Variants in KDM2B observed in about 807,000 individuals in gnomAD.
KDM2B encodes the protein lysine demethylase 2B.
A neutral mutation model predicts 150.0 loss-of-function variants in KDM2B; 26 were observed. The ratio of observed to expected loss-of-function variants is 0.17; its 90% CI spans 0.13 to 0.24. KDM2B has a LOEUF of 0.24. Among genes scored for constraint, KDM2B ranks in the 10% least tolerant of loss-of-function variants. The pLI is 1.00. For missense variants in KDM2B, 1,265 were observed against 1,816.9 expected, an observed-to-expected ratio of 0.70 and a Z score of 5.52; for synonymous variants, 734 against 729.5, an observed-to-expected ratio of 1.01 and a Z score of -0.10.
At chr12:121,555,793 G>C (rs1452763469) in intron 4 of KDM2B, among the ~76,000 whole-genome samples, 1 of 152,200 alleles carries the variant, frequency 6.6e-6, no homozygotes, top group African/African-American at 2.4e-5. Flanking sequence ...GTTAGAGGTA[G>C]GAATTGGTGT....
At position 121,513,474 on chromosome 12, in the gene KDM2B, G is replaced by A. The variant is rs1018149577; in HGVS notation, c.1048-72C>T. The A allele has an allele frequency of 6.1e-5, 94 of 1,550,286 alleles. No homozygotes were observed. The highest frequency in any genetic ancestry group is 5.3e-4 in the African/African-American group (39 of 73,922). ...AAGGGGGAAGGAGGGAGAGAAGTGC[G>A]GGGCAGGCTCCCTGCAGGTGAGGGT... On this transcript the variant is annotated intron_variant, in intron 9 of 22. Transcript: ENST00000377071. This position sits in a 1 kb window ranked among gnomAD's most constrained non-coding sequence, Gnocchi z 5.0.
At chr12:121,462,437 T>C (rs1232885551) in intron 12 of KDM2B, among the ~76,000 whole-genome samples, 1 of 151,618 alleles carries the variant, frequency 6.6e-6, no homozygotes, top group African/African-American at 2.4e-5. Flanking sequence ...AGGCACAAAG[T>C]AACAAAACTT....
intron 12 of KDM2B, among the ~76,000 whole-genome samples, chr12:121,479,701 A>C (rs1881864658): frequency 6.6e-6 from 1 of 151,846 alleles, no homozygotes; most frequent in Non-Finnish European, 1.5e-5. Context: ...GGCTCACTGC[A>C]ACCTCCGACT....
chr12:121,423,692 G>A, the KDM2B span: 56 of 885,090 alleles, frequency 6.3e-5, no homozygotes, highest in Non-Finnish European at 9.3e-5. The surrounding 1 kb of genome is among the most constrained non-coding windows in gnomAD (Gnocchi z 4.3). Flanking sequence ...ACATTATTTT[G>A]ACTACTAAGT....
At chr12:121,419,128 G>A in the KDM2B span, among the ~76,000 whole-genome samples, 1 of 152,176 alleles carries the variant, frequency 6.6e-6, no homozygotes, top group Admixed American at 6.5e-5. Flanking sequence ...CACGGCAGTG[G>A]TTCTGTAAGA....
chr12:121,413,606 C>G, the KDM2B span, among the ~76,000 whole-genome samples: 1 of 116,722 alleles, frequency 8.6e-6, no homozygotes. Flanking sequence ...GAGATGGAGT[C>G]TCGCTTTGTT....
At chr12:121,501,769 C>T (rs1439507424) in intron 11 of KDM2B, among the ~76,000 whole-genome samples, 1 of 152,086 alleles carries the variant, frequency 6.6e-6, no homozygotes, top group Non-Finnish European at 1.5e-5. Context: ...TACAGGCACG[C>T]ACCACCATGC....
rs182507110 is a variant in KDM2B, at chr12:121,522,068, C to A, written c.932-968G>T. On this transcript the variant is annotated intron_variant, in intron 8 of 22. Coordinates refer to ENST00000377071, the MANE Select transcript of KDM2B (RefSeq NM_032590.5). Reference sequence around the variant, plus strand: ...AAGCTTCAGTGAACTGTGATCACACCCCTGCACTCCAGCCTGGGTAACAGA... The same window carrying A: ...AAGCTTCAGTGAACTGTGATCACACACCTGCACTCCAGCCTGGGTAACAGA... 8.4e-4 allele frequency among the ~76,000 whole-genome samples: 127 copies of A among 151,004 alleles called. 1 individual carries two copies. The highest frequency in any genetic ancestry group is 2.9e-3 in the African/African-American group (121 of 41,090).
At chr12:121,540,304 G>A (rs1014087992) in intron 6 of KDM2B, among the ~76,000 whole-genome samples, 4 of 152,150 alleles carry the variant, frequency 2.6e-5, no homozygotes, top group African/African-American at 4.8e-5. Flanking sequence ...CCTGTGCGGG[G>A]CCGGTTTCCC....
At chr12:121,487,371 C>T (rs781829361) in intron 12 of KDM2B, among the ~76,000 whole-genome samples, 12 of 152,136 alleles carry the variant, frequency 7.9e-5, no homozygotes, top group African/African-American at 1.2e-4. Context: ...ATGACTCAGA[C>T]GTCAGGAGGA....
intron 4 of KDM2B, among the ~76,000 whole-genome samples, chr12:121,553,726 G>A (rs531075153): frequency 3.9e-5 from 6 of 152,128 alleles, no homozygotes; most frequent in Non-Finnish European, 8.8e-5. Context: ...TTAGGGACTT[G>A]CCCAGCATCA....
chr12:121,527,904 G>C (rs1177361782), intron 8 of KDM2B, among the ~76,000 whole-genome samples: 1 of 152,228 alleles, frequency 6.6e-6, no homozygotes, highest in African/African-American at 2.4e-5. Flanking sequence ...AATGTGGCCA[G>C]TATGCTCCCA....
At chr12:121,463,648 A>G (rs1879420915) in intron 12 of KDM2B, among the ~76,000 whole-genome samples, 1 of 152,152 alleles carries the variant, frequency 6.6e-6, no homozygotes, top group Non-Finnish European at 1.5e-5. Flanking sequence ...TGGGGCCATC[A>G]CTACTCACTG....
Position 121,513,187 on chromosome 12 carries a change from A to C in KDM2B, c.1174+89T>G, listed in dbSNP as rs935064622. ...TACACTGATTCAACGAATCCCCAAA[A>C]CTCAGGGAGTGTCTCCAGGCCCCAC... On this transcript the variant is annotated intron_variant, in intron 10 of 22. Coordinates refer to ENST00000377071, the MANE Select transcript of KDM2B (RefSeq NM_032590.5). This position sits in a 1 kb window ranked among gnomAD's most constrained non-coding sequence, Gnocchi z 5.0. The C allele has an allele frequency of 2.0e-6, 3 of 1,481,388 alleles. No homozygotes were observed. In the African/African-American group the frequency reaches 4.2e-5, roughly 21 times the overall value. The allele number at this position is 1,481,388 out of a possible 1,614,324, so 91.8% of individuals were successfully genotyped here. A position where few individuals can be genotyped will look rare whatever the true frequency, so the allele number is the denominator to read the frequency against.
At position 121,467,068 on chromosome 12, in the gene KDM2B, G is replaced by T; in HGVS notation, c.1735-13724C>A. On this transcript the variant is annotated intron_variant, in intron 12 of 22. Coordinates refer to ENST00000377071, the MANE Select transcript of KDM2B (RefSeq NM_032590.5). This position sits in a 1 kb window ranked among gnomAD's most constrained non-coding sequence, Gnocchi z 5.1. ...AAACTTTCTCCTCATCGCGGCGGCG[G>T]CGGCGTCGCGGCCGCCCTCGGCGCG... 4.4e-6 allele frequency: 3 copies of T among 685,676 alleles called. No individual in the cohort carries two copies. Among genetic ancestry groups the T allele is most frequent in the Non-Finnish European group, 5.6e-6 (3 of 536,458 alleles). The allele number at this position is 685,676 out of a possible 1,614,324, so 42.5% of individuals were successfully genotyped here.
In KDM2B at chr12:121,518,383, C is replaced by A. The variant is rs1179597662; in HGVS notation, c.1047+2602G>T. Among the ~76,000 whole-genome samples, 1 of 151,940 alleles carries A rather than the reference C, an allele frequency of 6.6e-6. No homozygotes were observed. Among genetic ancestry groups the A allele is most frequent in the Non-Finnish European group, 1.5e-5 (1 of 68,026 alleles). ...GGGCCTCGTAGCCAAGTCCCTCTCT[C>A]AAGACCAGAAATCAAGGCAGATTAA... is the stretch of plus-strand genomic sequence containing the variant. On this transcript the variant is annotated intron_variant, in intron 9 of 22. Transcript: ENST00000377071. This position sits in a 1 kb window ranked among gnomAD's most constrained non-coding sequence, Gnocchi z 4.4.
chr12:121,458,361 T>C (rs1291865796), intron 12 of KDM2B, among the ~76,000 whole-genome samples: 1 of 151,984 alleles, frequency 6.6e-6, no homozygotes, highest in Non-Finnish European at 1.5e-5. Flanking sequence ...GACGACAGAA[T>C]AAAACCTTGT....
chr12:121,483,702 AAAC>A, intron 12 of KDM2B, among the ~76,000 whole-genome samples: 1 of 132,678 alleles, frequency 7.5e-6, no homozygotes, highest in Admixed American at 7.8e-5. Flanking sequence ...ACAACAAAAA[AAAC>A]AAACAACAAC....
At chr12:121,496,894 G>A (rs375672093) in intron 11 of KDM2B, among the ~76,000 whole-genome samples, 21 of 151,452 alleles carry the variant, frequency 1.4e-4, no homozygotes, top group Non-Finnish European at 2.5e-4. Context: ...GGGATTGCAG[G>A]TGTGAGCCCC....
Sources: gnomAD v4.1 joint callset for allele counts (sites outside exome capture counted in the v4.1 genomes callset) on GRCh38, gnomAD v4.1.1 for gene constraint, Gnocchi (gnomAD v3.1) non-coding constraint, MANE v1.5 for transcripts, NCBI Gene and HGNC (gene_info 2026-07-23, HGNC 2026-07-21) for gene names.